ADAMTS8: variants seen among roughly 807,000 people sequenced by gnomAD.
The protein encoded by ADAMTS8 is ADAM metallopeptidase with thrombospondin type 1 motif 8.
ADAMTS8 carries 50 observed loss-of-function variants against 64.4 expected under a neutral mutation model. The observed-to-expected ratio is 0.78, with a 90% CI of 0.62 to 0.98. The LOEUF (loss-of-function observed/expected upper bound fraction) is 0.98, where lower values mean the gene tolerates loss of function less well. Ranked by LOEUF, ADAMTS8 falls within the 50% of genes least tolerant of loss-of-function variation. The pLI, the probability that ADAMTS8 is intolerant of heterozygous loss-of-function variation, is 0.00. For missense variants in ADAMTS8, 1,192 were observed against 1,208.2 expected, an observed-to-expected ratio of 0.99 and a Z score of 0.20; for synonymous variants, 556 against 533.6, an observed-to-expected ratio of 1.04 and a Z score of -0.58.
At position 130,416,616 on chromosome 11, in the gene ADAMTS8, A is replaced by G. The variant is rs1448617783; in HGVS notation, c.1097-286T>C. ...GTCCCTGGACCATTGTTCTTCCCCC[A>G]GATCCCACGGCTTAGCTTGTGCACA... On this transcript the variant is annotated intron_variant, in intron 3 of 8. Coordinates refer to ENST00000257359, the MANE Select transcript of ADAMTS8 (RefSeq NM_007037.6). The surrounding 1 kb of genome is among the most constrained non-coding windows in gnomAD (Gnocchi z 4.8). Among the ~76,000 whole-genome samples the G allele has an allele frequency of 2.0e-5, 3 of 152,258 alleles. No homozygotes were observed. The highest frequency in any genetic ancestry group is 7.2e-5 in the African/African-American group (3 of 41,554).
In ADAMTS8 at chr11:130,428,382, A is replaced by T; in HGVS notation, c.-96T>A. 1 of 1,191,952 alleles carries T rather than the reference A, an allele frequency of 8.4e-7. No individual in the cohort carries two copies. Among genetic ancestry groups the T allele is most frequent in the Admixed American group, 3.9e-5 (1 of 25,490 alleles). The allele number at this position is 1,191,952 out of a possible 1,614,324, so 73.8% of individuals were successfully genotyped here. Reference sequence around the variant, plus strand: ...CGAGCGCGGCCCGGCCGCTCTCTCCAGGAAAAGCGGAATCAATCGGGTGCA... The same window carrying T: ...CGAGCGCGGCCCGGCCGCTCTCTCCTGGAAAAGCGGAATCAATCGGGTGCA... On this transcript the variant is annotated 5_prime_UTR_variant, in exon 1 of 9. Transcript: ENST00000257359.
chr11:130,412,767 TATC>T (rs1208326911), intron 5 of ADAMTS8, among the ~76,000 whole-genome samples: 1 of 152,232 alleles, frequency 6.6e-6, no homozygotes, highest in African/African-American at 2.4e-5. Flanking sequence ...GCTCTGAATA[TATC>T]ATCATAAAAA....
At chr11:130,406,343 GGC>G in intron 8 of ADAMTS8, among the ~76,000 whole-genome samples, 1 of 152,212 alleles carries the variant, frequency 6.6e-6, no homozygotes, top group Non-Finnish European at 1.5e-5. Flanking sequence ...TGCTTCATCT[GGC>G]AACTCTATTT....
chr11:130,416,952 C>T lies in ADAMTS8; in HGVS notation c.1084G>A (p.Ala362Thr), dbSNP rs757895310. 1.2e-6 allele frequency: 2 copies of T among 1,614,106 alleles called. No individual in the cohort carries two copies. The highest frequency in any genetic ancestry group is 2.2e-5 in the South Asian group (2 of 91,084). The change falls in exon 3 of 9, where the codon GCC becomes ACC. Residue 362 changes from alanine (A) to threonine (T), a missense_variant. Physicochemically the swap from Ala to Thr is moderately conservative, Grantham distance 58. Around this residue, in one of 5 missense-constraint regions of ADAMTS8, gnomAD observed 741 missense variants for 710.6 expected, o/e 1.04. Transcript: ENST00000257359. This position sits in a 1 kb window ranked among gnomAD's most constrained non-coding sequence, Gnocchi z 4.8. Reference protein sequence around the residue: ...DEGLQAAHTLAHELGHVLSMP... With the variant: ...DEGLQAAHTLTHELGHVLSMP... Reference sequence around the variant, plus strand: ...CAGCAAATCTTACCTAGTTCATGGGCCAGGGTGTGGGCCGCCTGGAGCCCC... The same window carrying T: ...CAGCAAATCTTACCTAGTTCATGGGTCAGGGTGTGGGCCGCCTGGAGCCCC...
chr11:130,412,336 C>T (rs945298226), intron 5 of ADAMTS8, among the ~76,000 whole-genome samples: 18 of 152,178 alleles, frequency 1.2e-4, no homozygotes, highest in Admixed American at 4.6e-4. Flanking sequence ...GCCTCGGCCT[C>T]CCGAATAACT....
At chr11:130,413,911 C>G (rs559782793) in intron 5 of ADAMTS8, among the ~76,000 whole-genome samples, 1 of 152,242 alleles carries the variant, frequency 6.6e-6, no homozygotes, top group South Asian at 2.1e-4. Context: ...CTGTCTCCAC[C>G]CCGCTCACCA....
At position 130,414,817 on chromosome 11, in the gene ADAMTS8, T is replaced by G; in HGVS notation, c.1280A>C (p.Asp427Ala). 1 of 1,607,746 alleles carries G rather than the reference T, an allele frequency of 6.2e-7. No homozygotes were observed. Among genetic ancestry groups the G allele is most frequent in the South Asian group, 1.1e-5 (1 of 90,874 alleles). Residue 427 changes from aspartate (D) to alanine (A), a missense_variant, in exon 5 of 9, where the codon GAT (aspartate) becomes GCT (alanine). Physicochemically the swap from Asp to Ala is moderately radical, Grantham distance 126. This residue lies in a region of ADAMTS8 where 741 missense variants were observed against 710.6 expected (regional missense o/e 1.04). Coordinates refer to ENST00000257359, the MANE Select transcript of ADAMTS8 (RefSeq NM_007037.6). ...GAGGGGCAGGGCCGCAGCAGGGGCATCCAGGAGACAGTCTCCTGGGAAAAG... is the reference window on the plus strand; with the variant it reads ...GAGGGGCAGGGCCGCAGCAGGGGCAGCCAGGAGACAGTCTCCTGGGAAAAG... ...LDGGHGDCLLDAPAAALPLPT... is the reference protein window; with the variant it reads ...LDGGHGDCLLAAPAAALPLPT...
intron 1 of ADAMTS8, among the ~76,000 whole-genome samples, chr11:130,422,081 T>A (rs1450212553): frequency 2.0e-5 from 3 of 152,098 alleles, no homozygotes; most frequent in African/African-American, 7.2e-5. Flanking sequence ...TTCACTTTTG[T>A]TAGGGAGAGG....
chr11:130,419,329 G>A, intron 1 of ADAMTS8, 37 bp from the exon 2 acceptor site: 2 of 1,612,302 alleles, frequency 1.2e-6, no homozygotes, highest in South Asian at 1.1e-5. Context: ...GGAGTGAAGG[G>A]TTAAGTCTCA....
chr11:130,421,089 G>A (rs115836062), intron 1 of ADAMTS8, among the ~76,000 whole-genome samples: 1 of 152,164 alleles, frequency 6.6e-6, no homozygotes, highest in Admixed American at 6.5e-5. Flanking sequence ...AGATGAGGTC[G>A]CACAAGGAAG....
intron 1 of ADAMTS8, among the ~76,000 whole-genome samples, chr11:130,419,886 TG>T (rs964862319): frequency 3.9e-5 from 6 of 151,900 alleles, no homozygotes; most frequent in Non-Finnish European, 5.9e-5. Flanking sequence ...CTCTACTCTT[TG>T]GGGGGGGATT....
intron 1 of ADAMTS8, among the ~76,000 whole-genome samples, chr11:130,424,134 A>G (rs2134691553): frequency 6.6e-6 from 1 of 152,348 alleles, no homozygotes; most frequent in East Asian, 1.9e-4. Context: ...CACTCCCACA[A>G]CATAAGCAAG....
In ADAMTS8 at chr11:130,411,919, C is replaced by CAGTG; in HGVS notation, c.1567-323_1567-320dup. The CAGTG allele has an allele frequency of 1.3e-5, 4 of 311,274 alleles. 1 individual carries two copies. The South Asian group carries it at 2.0e-4, about 15-fold the overall frequency. 19.3% of individuals were successfully genotyped at this position (311,274 alleles called of 1,614,324 possible). A position where few individuals can be genotyped will look rare whatever the true frequency, so the allele number is the denominator to read the frequency against. On this transcript the variant is annotated intron_variant, in intron 5 of 8. Coordinates refer to ENST00000257359, the MANE Select transcript of ADAMTS8 (RefSeq NM_007037.6). The surrounding 1 kb of genome is among the most constrained non-coding windows in gnomAD (Gnocchi z 4.2). ...TATGGGAATAAGGTTGCATATAATG[C>CAGTG]AGTGGTTCTCCGTTGGGGCGAATTC...
chr11:130,421,169 A>G (rs1862094258), intron 1 of ADAMTS8, among the ~76,000 whole-genome samples: 1 of 152,196 alleles, frequency 6.6e-6, no homozygotes, highest in Non-Finnish European at 1.5e-5. Context: ...AGCTAAAGAC[A>G]GGAGGTTGGG....
chr11:130,416,329 C>G lies in ADAMTS8; in HGVS notation c.1098G>C (p.Gly366=), dbSNP rs1324749550. ...QAAHTLAHEL[G]HVLSMPHDDS... ...CGTCGTGGGGCATGCTGAGGACGTG[C>G]CCTGGGGAGAGAGGCCTGGTCCACT... is the stretch of plus-strand genomic sequence containing the variant. Residue 366 remains glycine, a splice_region_variant and synonymous_variant, in exon 4 of 9, where the codon GGG becomes GGC. Transcript: ENST00000257359. This position sits in a 1 kb window ranked among gnomAD's most constrained non-coding sequence, Gnocchi z 4.8. 1.3e-6 allele frequency: 2 copies of G among 1,558,652 alleles called. No homozygotes were observed. Among genetic ancestry groups the G allele is most frequent in the Admixed American group, 1.9e-5 (1 of 52,016 alleles).
Position 130,428,222 on chromosome 11 carries a change from G to GTCA in ADAMTS8, c.64_65insTGA (p.Pro22delinsLeuThr). ...CCGGGCCGGGGCGCCGCGGGCCAGCGGCAGCAGCAGCAGCAGCAGCAGCAG... is the reference window on the plus strand; with the variant it reads ...CCGGGCCGGGGCGCCGCGGGCCAGCGTCAGCAGCAGCAGCAGCAGCAGCAGCAG... On this transcript the variant is annotated protein_altering_variant, in exon 1 of 9. Coordinates refer to ENST00000257359, the MANE Select transcript of ADAMTS8 (RefSeq NM_007037.6). The GTCA allele has an allele frequency of 8.3e-7, 1 of 1,199,502 alleles. No individual in the cohort carries two copies. The highest frequency in any genetic ancestry group is 1.0e-6 in the Non-Finnish European group (1 of 967,886). The allele number at this position is 1,199,502 out of a possible 1,614,324, so 74.3% of individuals were successfully genotyped here. A position where few individuals can be genotyped will look rare whatever the true frequency, so the allele number is the denominator to read the frequency against.
At position 130,416,426 on chromosome 11, in the gene ADAMTS8, G is replaced by T; in HGVS notation, c.1097-96C>A. ...AGAGATGGAGCTCCTCAGGGGAGCA[G>T]CCACCCCCTCACTCTCCGAAGATTT... On this transcript the variant is annotated intron_variant, in intron 3 of 8. Coordinates refer to ENST00000257359, the MANE Select transcript of ADAMTS8 (RefSeq NM_007037.6). This position sits in a 1 kb window ranked among gnomAD's most constrained non-coding sequence, Gnocchi z 4.8. 2 of 1,337,528 alleles carry T rather than the reference G, an allele frequency of 1.5e-6. No homozygotes were observed. Among genetic ancestry groups the T allele is most frequent in the Non-Finnish European group, 2.0e-6 (2 of 1,006,044 alleles). 82.9% of individuals were successfully genotyped at this position (1,337,528 alleles called of 1,614,324 possible). A position where few individuals can be genotyped will look rare whatever the true frequency, so the allele number is the denominator to read the frequency against.
At position 130,427,465 on chromosome 11, in the gene ADAMTS8, T is replaced by C. The variant is rs893996192; in HGVS notation, c.720+102A>G. On this transcript the variant is annotated intron_variant, in intron 1 of 8. Transcript: ENST00000257359. Reference sequence around the variant, plus strand: ...AGTGGGGAGGGCTTTTTTTTTTTTTTTTTTTTTTTCTCAGAGGGATTGGAA... The same window carrying C: ...AGTGGGGAGGGCTTTTTTTTTTTTTCTTTTTTTTTCTCAGAGGGATTGGAA... 4.3e-5 allele frequency: 47 copies of C among 1,088,890 alleles called. 2 individuals carry two copies. In the Middle Eastern group the frequency reaches 1.7e-3, roughly 38 times the overall value. 67.5% of individuals were successfully genotyped at this position (1,088,890 alleles called of 1,614,324 possible). A position where few individuals can be genotyped will look rare whatever the true frequency, so the allele number is the denominator to read the frequency against.
intron 1 of ADAMTS8, among the ~76,000 whole-genome samples, chr11:130,422,017 C>A (rs755997088): frequency 6.6e-6 from 1 of 152,218 alleles, no homozygotes; most frequent in Non-Finnish European, 1.5e-5. Context: ...CACGGTCAGC[C>A]CAGCCAGGGT....
Sources: gnomAD v4.1 joint callset for allele counts (sites outside exome capture counted in the v4.1 genomes callset) on GRCh38, gnomAD v4.1.1 for gene constraint, gnomAD v4.1.1 regional missense constraint, Gnocchi (gnomAD v3.1) non-coding constraint, MANE v1.5 for transcripts, NCBI Gene and HGNC (gene_info 2026-07-23, HGNC 2026-07-21) for gene names.